The following C4BPA variants were observed in gnomAD, a reference collection of about 807,000 sequenced individuals.
The protein encoded by C4BPA is complement component 4 binding protein alpha, also known as C4b-binding protein alpha chain.
A neutral mutation model predicts 63.7 loss-of-function variants in C4BPA; 31 were observed. The observed-to-expected ratio is 0.49, with a 90% CI of 0.37 to 0.66. The LOEUF is 0.66. Among genes scored for constraint, C4BPA ranks in the 30% least tolerant of loss-of-function variants. C4BPA has a pLI of 0.00. For synonymous variants in C4BPA, 259 were observed against 254.7 expected, an observed-to-expected ratio of 1.02 and a Z score of -0.16; for missense variants, 572 against 723.3, an observed-to-expected ratio of 0.79 and a Z score of 2.40.
At chr1:207,106,502 C>T (rs1188267824) in intron 1 of C4BPA, among the ~76,000 whole-genome samples, 2 of 144,962 alleles carry the variant, frequency 1.4e-5, no homozygotes, top group African/African-American at 5.4e-5. Flanking sequence ...TGCGGTGGTG[C>T]AATCTCTGCT....
At chr1:207,134,878 C>A (rs904272879) in intron 9 of C4BPA, among the ~76,000 whole-genome samples, 1 of 152,186 alleles carries the variant, frequency 6.6e-6, no homozygotes, top group Non-Finnish European at 1.5e-5. Flanking sequence ...TCCCTTATTT[C>A]TGGTCCATAT....
chr1:207,128,939 T>C (rs2102346283), intron 7 of C4BPA, among the ~76,000 whole-genome samples: 1 of 152,196 alleles, frequency 6.6e-6, no homozygotes, highest in African/African-American at 2.4e-5. Flanking sequence ...CAATAGAAAC[T>C]GTTTTTGAGG....
intron 4 of C4BPA, among the ~76,000 whole-genome samples, 176 bp downstream of exon 4, chr1:207,115,691 T>C (rs2102333230): frequency 6.6e-6 from 1 of 152,366 alleles, no homozygotes; most frequent in Admixed American, 6.5e-5. Context: ...TCTATTTTTA[T>C]TGGTTCGTAT....
intron 6 of C4BPA, among the ~76,000 whole-genome samples, chr1:207,125,093 G>A (rs1434417815): frequency 6.6e-6 from 1 of 152,154 alleles, no homozygotes; most frequent in African/African-American, 2.4e-5. Flanking sequence ...ATATTACTAA[G>A]TTTACACAGT....
chr1:207,115,386 T>C (rs1254689863), intron 3 of C4BPA, 30 bp from the exon 4 acceptor site: 9 of 1,205,480 alleles, frequency 7.5e-6, no homozygotes, highest in Non-Finnish European at 7.3e-6. Context: ...TACTTGGAAG[T>C]ACTAATCATC....
At position 207,124,160 on chromosome 1, in the gene C4BPA, A is replaced by C. The variant is rs756875201; in HGVS notation, c.515-15A>C. 6.2e-7 allele frequency: 1 copy of C among 1,606,794 alleles called. No homozygotes were observed. The highest frequency in any genetic ancestry group is 1.3e-5 in the African/African-American group (1 of 74,684). Reference sequence around the variant, plus strand: ...CTTCGCTGAGTATTTCTTTCTCTTCACTCACTTACCTCAGTTGTCAAGTGT... The same window carrying C: ...CTTCGCTGAGTATTTCTTTCTCTTCCCTCACTTACCTCAGTTGTCAAGTGT... On this transcript the variant is annotated splice_polypyrimidine_tract_variant and intron_variant, in intron 5 of 11. Coordinates refer to ENST00000367070, the MANE Select transcript of C4BPA (RefSeq NM_000715.4).
intron 4 of C4BPA, among the ~76,000 whole-genome samples, chr1:207,118,208 C>CATCTATCTATCT (rs1553256033): frequency 4.0e-5 from 3 of 74,474 alleles, no homozygotes; most frequent in Admixed American, 1.4e-4. Context: ...ATCTATCTAT[C>CATCTATCTATCT]ATCTGTCTAT....
intron 1 of C4BPA, among the ~76,000 whole-genome samples, chr1:207,112,005 C>T (rs1328193318): frequency 1.3e-5 from 2 of 151,950 alleles, no homozygotes; most frequent in African/African-American, 4.8e-5. Context: ...TTGATTCCCA[C>T]TATTGAGTAT....
Position 207,131,720 on chromosome 1 carries a change from C to A in C4BPA, c.1064C>A (p.Thr355Asn). 2.5e-6 allele frequency: 4 copies of A among 1,611,770 alleles called. No homozygotes were observed. The highest frequency in any genetic ancestry group is 2.2e-5 in the East Asian group (1 of 44,812). The change falls in exon 8 of 12, where the codon ACC becomes AAC. Residue 355 changes from threonine (T) to asparagine (N), a missense_variant. Around this residue, in one of 2 missense-constraint regions of C4BPA, gnomAD observed 465 missense variants for 629.4 expected, o/e 0.74. Transcript: ENST00000367070. ...TVICQKNLRWTPYQGCEALCC... is the reference protein window; with the variant it reads ...TVICQKNLRWNPYQGCEALCC... Reference sequence around the variant, plus strand: ...ATTTGTCAGAAAAATTTGAGATGGACCCCATACCAAGGATGTGAGGGTGAG... The same window carrying A: ...ATTTGTCAGAAAAATTTGAGATGGAACCCATACCAAGGATGTGAGGGTGAG...
At chr1:207,105,515 C>T (rs1558084356) in intron 1 of C4BPA, among the ~76,000 whole-genome samples, 2 of 148,814 alleles carry the variant, frequency 1.3e-5, no homozygotes, top group Non-Finnish European at 3.0e-5. Flanking sequence ...TGAGATCGTG[C>T]CATTGCACTC....
chr1:207,119,704 C>A (rs1684882523), intron 4 of C4BPA, among the ~76,000 whole-genome samples: 1 of 92,260 alleles, frequency 1.1e-5, no homozygotes, highest in African/African-American at 3.0e-5. Flanking sequence ...ACAAACACAT[C>A]TTATACAGTA....
In C4BPA at chr1:207,114,125, A is replaced by G. The variant is rs765637075; in HGVS notation, c.168A>G (p.Leu56=). The G allele has an allele frequency of 6.2e-7, 1 of 1,613,126 alleles. No individual in the cohort carries two copies. The highest frequency in any genetic ancestry group is 1.7e-5 in the Admixed American group (1 of 59,874). ...GCAATTGTGGTCCTCCACCCACTTT[A>G]TCATTTGCTGCCCCGATGGATATTA... ...VLGNCGPPPT[L]SFAAPMDITL... Residue 56 remains leucine (L), a synonymous_variant, in exon 3 of 12, where the codon TTA becomes TTG. Transcript: ENST00000367070.
intron 9 of C4BPA, among the ~76,000 whole-genome samples, chr1:207,138,417 A>C (rs1464091555): frequency 1.3e-5 from 2 of 152,172 alleles, no homozygotes; most frequent in Non-Finnish European, 2.9e-5. Flanking sequence ...TGATGACCCA[A>C]TGTTGGGAGC....
At chr1:207,129,703 A>G (rs1685121673) in intron 7 of C4BPA, among the ~76,000 whole-genome samples, 2 of 152,322 alleles carry the variant, frequency 1.3e-5, no homozygotes, top group East Asian at 1.9e-4. Flanking sequence ...AAAAACCTCA[A>G]CCAAGAATCC....
intron 1 of C4BPA, among the ~76,000 whole-genome samples, chr1:207,106,136 G>A (rs12057769): frequency 0.1 from 15,777 of 152,082 alleles, 1,000 homozygotes; most frequent in East Asian, 0.2. Context: ...TTCTCAGCTC[G>A]CAAGTTCTAG....
intron 1 of C4BPA, among the ~76,000 whole-genome samples, chr1:207,112,449 CCCTGTTTCTTT>C (rs1684689844): frequency 6.6e-6 from 1 of 151,636 alleles, no homozygotes; most frequent in Non-Finnish European, 1.5e-5. Context: ...CACTCAACCT[CCCTGTTTCTTT>C]CCTCTAATCC....
intron 9 of C4BPA, among the ~76,000 whole-genome samples, chr1:207,137,819 T>A (rs1685320931): frequency 6.6e-6 from 1 of 152,226 alleles, no homozygotes. Flanking sequence ...CGTTTCACCA[T>A]GTTGGCCAGG....
chr1:207,119,839 ATT>A lies in C4BPA; in HGVS notation c.429-4081_429-4080del, dbSNP rs1225497588. 4.8e-4 allele frequency among the ~76,000 whole-genome samples: 14 copies of A among 29,136 alleles called. 2 individuals carry two copies. Among genetic ancestry groups the A allele is most frequent in the Non-Finnish European group, 1.3e-3 (10 of 7,920 alleles). The allele number at this position is 29,136 out of a possible 152,430, so 19.1% of individuals were successfully genotyped here. ...AACTGGTCATGTGGTTGTAGCAGAT[ATT>A]TATAACGATGTTTCTGTTACTTATT... On this transcript the variant is annotated intron_variant, in intron 4 of 11. Coordinates refer to ENST00000367070, the MANE Select transcript of C4BPA (RefSeq NM_000715.4).
intron 1 of C4BPA, among the ~76,000 whole-genome samples, chr1:207,107,254 T>TA (rs1379263065): frequency 3.3e-5 from 5 of 152,148 alleles, no homozygotes; most frequent in East Asian, 1.9e-4. Flanking sequence ...AGGTGTTTTT[T>TA]AAAAAAATCC....
Sources: allele counts gnomAD v4.1 joint callset (sites outside exome capture counted in the v4.1 genomes callset), GRCh38; gene constraint gnomAD v4.1.1; regional missense constraint gnomAD v4.1.1; transcripts MANE v1.5; gene names NCBI Gene and HGNC (gene_info 2026-07-23, HGNC 2026-07-21).